The following CA10 variants were observed in gnomAD, a reference collection of about 807,000 sequenced individuals.
CA10 encodes carbonic anhydrase-related protein 10.
A neutral mutation model predicts 44.2 loss-of-function variants in CA10; 14 were observed. The ratio of observed to expected loss-of-function variants is 0.32; its 90% CI spans 0.21 to 0.50. The LOEUF is 0.50. Ranked by LOEUF, CA10 falls within the 20% of genes least tolerant of loss-of-function variation. CA10 has a pLI of 0.99. For missense variants in CA10, 350 were observed against 409.7 expected, an observed-to-expected ratio of 0.85 and a Z score of 1.26; for synonymous variants, 159 against 141.6, an observed-to-expected ratio of 1.12 and a Z score of -0.87.
chr17:51,649,024 T>G (rs927157010), intron 6 of CA10, among the ~76,000 whole-genome samples, 158 bp downstream of exon 6: 1 of 152,024 alleles, frequency 6.6e-6, no homozygotes, highest in African/African-American at 2.4e-5. Context: ...ATGAGCTGCT[T>G]CTTAGCCAAA....
At chr17:51,773,432 G>T (rs113761232) in intron 3 of CA10, among the ~76,000 whole-genome samples, 7 of 152,352 alleles carry the variant, frequency 4.6e-5, no homozygotes, top group African/African-American at 1.7e-4. Context: ...GAAGCAGAGA[G>T]AAGGATGAAG....
At chr17:52,050,996 G>GGAAGGAAGGAAGGAAGGAAC (rs1166273225) in intron 2 of CA10, among the ~76,000 whole-genome samples, 10 of 149,434 alleles carry the variant, frequency 6.7e-5, no homozygotes, top group South Asian at 2.1e-4. Flanking sequence ...AAAAAGGGAA[G>GGAAGGAAGGAAGGAAGGAAC]GAAGGAAGGA....
intron 1 of CA10, among the ~76,000 whole-genome samples, chr17:52,152,594 A>G (rs1989725956): frequency 6.6e-6 from 1 of 152,120 alleles, no homozygotes; most frequent in Admixed American, 6.5e-5. Flanking sequence ...CTATTCCTTT[A>G]TATCACAATG....
At chr17:52,115,831 C>T (rs1432067688) in intron 1 of CA10, among the ~76,000 whole-genome samples, 9 of 152,348 alleles carry the variant, frequency 5.9e-5, no homozygotes, top group Non-Finnish European at 8.8e-5. Flanking sequence ...CAGTGGCTCA[C>T]GCCTGTAATT....
At chr17:51,968,844 A>T (rs1003587150) in intron 2 of CA10, among the ~76,000 whole-genome samples, 6 of 151,968 alleles carry the variant, frequency 3.9e-5, no homozygotes, top group Non-Finnish European at 8.8e-5. Context: ...GGAAAAAATG[A>T]TTTACTCAGT....
At chr17:52,013,370 C>T (rs1247847505) in intron 2 of CA10, among the ~76,000 whole-genome samples, 1 of 151,480 alleles carries the variant, frequency 6.6e-6, no homozygotes, top group East Asian at 1.9e-4. Context: ...AAGAACAAGA[C>T]CTCCTATGGG....
chr17:52,117,000 G>A (rs1988911666), intron 1 of CA10, among the ~76,000 whole-genome samples: 1 of 152,136 alleles, frequency 6.6e-6, no homozygotes, highest in African/African-American at 2.4e-5. Flanking sequence ...TCAGCTGCTT[G>A]GCATGGCTAA....
chr17:51,741,480 C>T (rs1904457555), intron 4 of CA10, among the ~76,000 whole-genome samples: 1 of 152,154 alleles, frequency 6.6e-6, no homozygotes. Context: ...TTCATATAAA[C>T]ACTCCATCTT....
intron 4 of CA10, among the ~76,000 whole-genome samples, chr17:51,714,921 G>A (rs1194950749): frequency 6.6e-6 from 1 of 152,120 alleles, no homozygotes; most frequent in Non-Finnish European, 1.5e-5. Flanking sequence ...GGTAACACAA[G>A]AGCCCTTTTC....
chr17:52,076,180 C>A (rs1299711738), intron 1 of CA10, among the ~76,000 whole-genome samples: 1 of 152,174 alleles, frequency 6.6e-6, no homozygotes. Context: ...CTAAGGACAA[C>A]CTATCAGTCG....
intron 3 of CA10, among the ~76,000 whole-genome samples, chr17:51,906,438 C>T (rs1313171039): frequency 6.6e-6 from 1 of 152,058 alleles, no homozygotes; most frequent in Non-Finnish European, 1.5e-5. Context: ...ACCGGATGTG[C>T]CATCTCGGTC....
intron 3 of CA10, among the ~76,000 whole-genome samples, chr17:51,843,600 A>AGCTCATCTTCAGT (rs1978370926): frequency 6.6e-6 from 1 of 152,190 alleles, no homozygotes; most frequent in Non-Finnish European, 1.5e-5. Context: ...TCTTCAGTGA[A>AGCTCATCTTCAGT]GAAGTTCATG....
At chr17:52,057,783 G>A (rs1987271105) in intron 2 of CA10, among the ~76,000 whole-genome samples, 1 of 152,082 alleles carries the variant, frequency 6.6e-6, no homozygotes, top group African/African-American at 2.4e-5. Flanking sequence ...AGGTCATTTG[G>A]TGGGTTTCAT....
chr17:51,863,146 A>T (rs747959946), intron 3 of CA10, among the ~76,000 whole-genome samples: 5 of 152,242 alleles, frequency 3.3e-5, no homozygotes, highest in African/African-American at 7.2e-5. Context: ...GTACTGCATA[A>T]GTCAACAAAC....
chr17:51,966,147 T>C (rs527645640), intron 2 of CA10, among the ~76,000 whole-genome samples: 1 of 151,572 alleles, frequency 6.6e-6, no homozygotes, highest in South Asian at 2.1e-4. Context: ...TAAAAATATA[T>C]CTAACCAAGG....
At chr17:52,158,922 G>C (rs1314575047), upstream of CA10, among the ~76,000 whole-genome samples, 1 of 152,116 alleles carries the variant, frequency 6.6e-6, no homozygotes, top group Non-Finnish European at 1.5e-5. Flanking sequence ...GTGAGGCTGA[G>C]CGCGGCCATG....
At chr17:51,673,893 C>T (rs1263563113) in intron 4 of CA10, among the ~76,000 whole-genome samples, 2 of 152,226 alleles carry the variant, frequency 1.3e-5, no homozygotes, top group Non-Finnish European at 2.9e-5. Flanking sequence ...GCCGGCCATG[C>T]CAAGCCACTG....
At chr17:51,859,089 T>C (rs1979185505) in intron 3 of CA10, among the ~76,000 whole-genome samples, 1 of 152,130 alleles carries the variant, frequency 6.6e-6, no homozygotes, top group Non-Finnish European at 1.5e-5. Context: ...ATAAGCTAGT[T>C]AATTATAATT....
chr17:51,726,998 A>G (rs1916546998), intron 4 of CA10, among the ~76,000 whole-genome samples: 1 of 152,182 alleles, frequency 6.6e-6, no homozygotes, highest in South Asian at 2.1e-4. Flanking sequence ...AGCTGGATAG[A>G]TGGACATCAT....
Sources: gnomAD v4.1 joint callset for allele counts (sites outside exome capture counted in the v4.1 genomes callset) on GRCh38, gnomAD v4.1.1 for gene constraint, MANE v1.5 for transcripts, NCBI Gene and HGNC (gene_info 2026-07-23, HGNC 2026-07-21) for gene names.